MPPED2: variants seen among roughly 807,000 people sequenced by gnomAD.
The protein encoded by MPPED2 is metallophosphoesterase domain containing 2, also known as metallophosphoesterase MPPED2.
A neutral mutation model predicts 33.0 loss-of-function variants in MPPED2; 5 were observed. That is an observed-to-expected ratio of 0.15 (90% CI 0.08 to 0.32). The LOEUF is 0.32. Among genes scored for constraint, MPPED2 ranks in the 10% least tolerant of loss-of-function variants. The pLI is 1.00. For missense variants in MPPED2, 275 were observed against 372.1 expected (o/e 0.74, Z 2.15); for synonymous variants, 136 against 141.9 (o/e 0.96, Z 0.29).
intron 2 of MPPED2, among the ~76,000 whole-genome samples, chr11:30,566,189 A>T (rs971189506): frequency 2.6e-5 from 4 of 152,178 alleles, no homozygotes; most frequent in Non-Finnish European, 4.4e-5. Flanking sequence ...GGGCTGAAAT[A>T]TATCTTAATT....
At chr11:30,407,902 A>T (rs1427791228), downstream of MPPED2, among the ~76,000 whole-genome samples, 1 of 151,970 alleles carries the variant, frequency 6.6e-6, no homozygotes, top group Non-Finnish European at 1.5e-5. Context: ...TAAATAAATA[A>T]GTAAATAAAA....
rs1214837822 is a variant in MPPED2, at chr11:30,580,293, C to T, written c.81G>A (p.Thr27=). 6 of 1,613,838 alleles carry T rather than the reference C, an allele frequency of 3.7e-6. No homozygotes were observed. The highest frequency in any genetic ancestry group is 1.1e-5 in the South Asian group (1 of 91,074). ...ATCTGCTCTGGTTGATGTTGTAGTG[C>T]GTGAATGCCTGGGTGGGGTTTGAGC... is the stretch of plus-strand genomic sequence containing the variant. ...EYSSNPTQAF[T]HYNINQSRFQ... is the part of the protein sequence containing the mutation. Residue 27 remains threonine (T), a synonymous_variant, in exon 2 of 7, where the codon ACG becomes ACA. Coordinates refer to ENST00000358117, the MANE Select transcript of MPPED2 (RefSeq NM_001584.3).
At chr11:30,474,941 T>C (rs1482038669) in intron 4 of MPPED2, among the ~76,000 whole-genome samples, 1 of 152,190 alleles carries the variant, frequency 6.6e-6, no homozygotes, top group Non-Finnish European at 1.5e-5. Context: ...ACTGCATAAC[T>C]TGACAGATTA....
chr11:30,463,649 A>C lies in MPPED2; in HGVS notation c.536+31647T>G, dbSNP rs1443769612. 2.6e-5 allele frequency among the ~76,000 whole-genome samples: 4 copies of C among 152,226 alleles called. No individual in the cohort carries two copies. The East Asian group carries it at 7.7e-4, about 29-fold the overall frequency. On this transcript the variant is annotated intron_variant, in intron 4 of 6. Coordinates refer to ENST00000358117, the MANE Select transcript of MPPED2 (RefSeq NM_001584.3). ...CAACCTGTGAGAAATGGAGCTCAGA[A>C]GTGTAAAGGAAGAAACAGTATCTGG...
At chr11:30,432,119 A>C (rs956416250) in intron 4 of MPPED2, among the ~76,000 whole-genome samples, 1 of 151,924 alleles carries the variant, frequency 6.6e-6, no homozygotes, top group Non-Finnish European at 1.5e-5. Context: ...CAAGGAGCCG[A>C]GATCGCGCCA....
At chr11:30,493,517 T>C (rs1952089455) in intron 4 of MPPED2, among the ~76,000 whole-genome samples, 1 of 152,132 alleles carries the variant, frequency 6.6e-6, no homozygotes, top group African/African-American at 2.4e-5. Flanking sequence ...GGGGTACTTT[T>C]CTGTATTAAG....
chr11:30,430,528 G>A (rs1170017847), intron 4 of MPPED2, among the ~76,000 whole-genome samples: 9 of 152,026 alleles, frequency 5.9e-5, no homozygotes, highest in East Asian at 3.8e-4. Context: ...TATTCATATC[G>A]GAAAATGCTG....
At chr11:30,542,341 C>G (rs1006122977) in intron 2 of MPPED2, among the ~76,000 whole-genome samples, 1 of 151,022 alleles carries the variant, frequency 6.6e-6, no homozygotes, top group Non-Finnish European at 1.5e-5. Flanking sequence ...GAGCCAGGTT[C>G]GGTGGCTCAT....
chr11:30,394,590 C>A (rs974768422), intron 6 of MPPED2, among the ~76,000 whole-genome samples: 1 of 152,048 alleles, frequency 6.6e-6, no homozygotes, highest in Non-Finnish European at 1.5e-5. Flanking sequence ...TGTGTTTATT[C>A]AACTTTTTAC....
intron 2 of MPPED2, among the ~76,000 whole-genome samples, chr11:30,562,663 T>G (rs541697821): frequency 9.1e-4 from 138 of 151,858 alleles, no homozygotes; most frequent in African/African-American, 3.3e-3. Flanking sequence ...TACAGCTTAT[T>G]AAGGGTCATA....
At chr11:30,557,390 T>G (rs1956024083) in intron 2 of MPPED2, among the ~76,000 whole-genome samples, 1 of 151,892 alleles carries the variant, frequency 6.6e-6, no homozygotes, top group African/African-American at 2.4e-5. Context: ...CAAATATACT[T>G]TGGAAATTTA....
At chr11:30,478,067 G>T (rs558396202) in intron 4 of MPPED2, among the ~76,000 whole-genome samples, 1 of 151,926 alleles carries the variant, frequency 6.6e-6, no homozygotes, top group African/African-American at 2.4e-5. Context: ...TCATGAAACC[G>T]TTTTACTAAA....
intron 4 of MPPED2, among the ~76,000 whole-genome samples, chr11:30,488,219 C>A (rs796374169): frequency 7.9e-5 from 12 of 152,052 alleles, no homozygotes; most frequent in African/African-American, 2.9e-4. Context: ...GTAATACATA[C>A]CCTGGTTAAA....
At chr11:30,496,294 G>A (rs1227380487) in intron 3 of MPPED2, among the ~76,000 whole-genome samples, 1 of 152,138 alleles carries the variant, frequency 6.6e-6, no homozygotes, top group Non-Finnish European at 1.5e-5. Flanking sequence ...CCAGACTTCT[G>A]CATAGATTTA....
chr11:30,415,334 CT>C (rs34315469), intron 5 of MPPED2, among the ~76,000 whole-genome samples: 3 of 152,238 alleles, frequency 2.0e-5, no homozygotes, highest in African/African-American at 7.2e-5. Flanking sequence ...GTTTTCAAAA[CT>C]TTTTTAATAG....
At chr11:30,441,813 C>T (rs138867859) in intron 4 of MPPED2, among the ~76,000 whole-genome samples, 1 of 152,250 alleles carries the variant, frequency 6.6e-6, no homozygotes, top group African/African-American at 2.4e-5. Flanking sequence ...ACAGTTGTCA[C>T]AGCCCATTCC....
At chr11:30,539,958 G>C (rs1955010316) in intron 2 of MPPED2, among the ~76,000 whole-genome samples, 1 of 152,090 alleles carries the variant, frequency 6.6e-6, no homozygotes, top group Non-Finnish European at 1.5e-5. Flanking sequence ...TTCCAGAGAA[G>C]GAGAGCTCCT....
chr11:30,553,562 T>TAC (rs1955824702), intron 2 of MPPED2, among the ~76,000 whole-genome samples: 1 of 152,210 alleles, frequency 6.6e-6, no homozygotes, highest in South Asian at 2.1e-4. Context: ...AAAAGAGCAT[T>TAC]TTTGCACTTC....
chr11:30,453,545 G>A (rs933826257), intron 4 of MPPED2, among the ~76,000 whole-genome samples: 2 of 152,122 alleles, frequency 1.3e-5, no homozygotes, highest in East Asian at 1.9e-4. Flanking sequence ...CAAGCCCTAC[G>A]TACCTACTTC....
Sources: gnomAD v4.1 joint callset for allele counts (sites outside exome capture counted in the v4.1 genomes callset) on GRCh38, gnomAD v4.1.1 for gene constraint, MANE v1.5 for transcripts, NCBI Gene and HGNC (gene_info 2026-07-23, HGNC 2026-07-21) for gene names.